The following MACROD2 variants were observed in gnomAD, a reference collection of about 807,000 sequenced individuals.
MACROD2 encodes ADP-ribose glycohydrolase MACROD2.
Under a neutral mutation model 70.4 loss-of-function variants are expected in MACROD2, and 36 were observed. The observed-to-expected ratio is 0.51, with a 90% CI of 0.39 to 0.68. MACROD2 has a LOEUF of 0.68. Among genes scored for constraint, MACROD2 ranks in the 30% least tolerant of loss-of-function variants. The pLI is 0.00. For missense variants in MACROD2, 496 were observed against 538.4 expected (o/e 0.92, Z 0.78); for synonymous variants, 172 against 178.8 (o/e 0.96, Z 0.30).
At chr20:15,428,880 C>A (rs1482045037) in intron 6 of MACROD2, among the ~76,000 whole-genome samples, 1 of 152,052 alleles carries the variant, frequency 6.6e-6, no homozygotes, top group African/African-American at 2.4e-5. Context: ...CTTGAGGGCT[C>A]AATGCAGAGG....
At chr20:15,524,228 T>C (rs1228001942) in intron 8 of MACROD2, among the ~76,000 whole-genome samples, 1 of 151,866 alleles carries the variant, frequency 6.6e-6, no homozygotes, top group African/African-American at 2.4e-5. Context: ...TCAGATTTGA[T>C]GCTTCTGCTT....
At chr20:15,187,354 T>C (rs2076540880) in intron 5 of MACROD2, among the ~76,000 whole-genome samples, 1 of 152,098 alleles carries the variant, frequency 6.6e-6, no homozygotes, top group Non-Finnish European at 1.5e-5. Flanking sequence ...CACAAAAAAG[T>C]AAAAAAGATT....
At chr20:14,754,144 G>C (rs1482774475) in intron 5 of MACROD2, among the ~76,000 whole-genome samples, 1 of 152,080 alleles carries the variant, frequency 6.6e-6, no homozygotes, top group Non-Finnish European at 1.5e-5. Flanking sequence ...TTACCATGTT[G>C]TATGCCAGAT....
intron 8 of MACROD2, among the ~76,000 whole-genome samples, chr20:15,748,358 T>TCCTTCCTTCCTC (rs965833061): frequency 6.7e-6 from 1 of 148,922 alleles, no homozygotes; most frequent in Non-Finnish European, 1.5e-5. Context: ...TTTCCTTCCT[T>TCCTTCCTTCCTC]CCTTCCTTCC....
chr20:14,773,173 G>A (rs949730568), intron 5 of MACROD2, among the ~76,000 whole-genome samples: 35 of 152,012 alleles, frequency 2.3e-4, no homozygotes, highest in African/African-American at 7.7e-4. Context: ...AAAAGACTGA[G>A]CAGTATATTT....
intron 3 of MACROD2, among the ~76,000 whole-genome samples, chr20:14,399,056 G>C (rs1276672207): frequency 1.4e-5 from 2 of 141,076 alleles, no homozygotes; most frequent in Non-Finnish European, 3.0e-5. Context: ...GTCTCACTCT[G>C]TTTCCCAGGC....
At chr20:14,964,577 A>G (rs1413314510) in intron 5 of MACROD2, among the ~76,000 whole-genome samples, 4 of 151,294 alleles carry the variant, frequency 2.6e-5, no homozygotes, top group African/African-American at 9.8e-5. Flanking sequence ...CATCTCAAAA[A>G]AATAAAAAAA....
intron 5 of MACROD2, among the ~76,000 whole-genome samples, chr20:14,804,908 A>T (rs1038713567): frequency 6.6e-6 from 1 of 151,500 alleles, no homozygotes; most frequent in Non-Finnish European, 1.5e-5. Flanking sequence ...AGAGAGAGAG[A>T]GAGACAGAGA....
chr20:14,061,160 T>C (rs1204734039), intron 2 of MACROD2, among the ~76,000 whole-genome samples: 1 of 152,172 alleles, frequency 6.6e-6, no homozygotes, highest in Non-Finnish European at 1.5e-5. Flanking sequence ...CTTTGAAATG[T>C]ACTTTGAGAT....
chr20:15,141,770 A>T (rs372640), intron 5 of MACROD2, among the ~76,000 whole-genome samples: 134,198 of 152,202 alleles, frequency 0.88, 59,317 homozygotes, highest in East Asian at 1. Context: ...CTTTTATTTC[A>T]GTTTCCCAGA....
chr20:14,399,610 T>C (rs898817951), intron 3 of MACROD2, among the ~76,000 whole-genome samples: 3 of 152,204 alleles, frequency 2.0e-5, no homozygotes, highest in Non-Finnish European at 4.4e-5. Context: ...ATAGTTGTCA[T>C]GAAATTTGAA....
At chr20:15,910,424 G>A (rs933671505) in intron 10 of MACROD2, among the ~76,000 whole-genome samples, 9 of 151,892 alleles carry the variant, frequency 5.9e-5, no homozygotes, top group African/African-American at 1.9e-4. Flanking sequence ...GTGTGTGTGT[G>A]TGTGTGTAAC....
intron 15 of MACROD2, among the ~76,000 whole-genome samples, chr20:15,991,831 A>G (rs2066562930): frequency 6.6e-6 from 1 of 152,168 alleles, no homozygotes; most frequent in African/African-American, 2.4e-5. Flanking sequence ...TTAGGATATC[A>G]GTTAAATTAA....
At chr20:14,763,259 A>G (rs204104) in intron 5 of MACROD2, among the ~76,000 whole-genome samples, 101,960 of 152,060 alleles carry the variant, frequency 0.67, 34,653 homozygotes, top group African/African-American at 0.73. Flanking sequence ...GGTATTCACA[A>G]CATACAGTAT....
At chr20:15,861,865 C>T (rs530271108) in intron 8 of MACROD2, among the ~76,000 whole-genome samples, 2 of 152,202 alleles carry the variant, frequency 1.3e-5, no homozygotes, top group South Asian at 2.1e-4. Context: ...CGAGAAACAC[C>T]TCATTTGATG....
intron 13 of MACROD2, among the ~76,000 whole-genome samples, chr20:15,971,139 G>A (rs1437158942): frequency 6.6e-6 from 1 of 152,068 alleles, no homozygotes; most frequent in African/African-American, 2.4e-5. Flanking sequence ...GTGAGCAGAG[G>A]CACTGCTTGT....
At chr20:14,442,163 A>C (rs1006152338) in intron 3 of MACROD2, among the ~76,000 whole-genome samples, 1 of 152,036 alleles carries the variant, frequency 6.6e-6, no homozygotes, top group East Asian at 1.9e-4. Flanking sequence ...CCAGCTACTC[A>C]GAAGGCTGAG....
intron 5 of MACROD2, chr20:14,895,046 G>A (rs929507588): frequency 2.6e-5 from 4 of 152,120 alleles, no homozygotes; most frequent in African/African-American, 9.7e-5. Context: ...AATAGAAGAA[G>A]ATTTAGACAT....
chr20:14,252,017 T>C (rs1333448433), intron 3 of MACROD2, among the ~76,000 whole-genome samples: 1 of 152,076 alleles, frequency 6.6e-6, no homozygotes, highest in Non-Finnish European at 1.5e-5. Context: ...TAAATAAAAG[T>C]GTAAAATTTT....
Sources: gnomAD v4.1 joint callset for allele counts (sites outside exome capture counted in the v4.1 genomes callset) on GRCh38, gnomAD v4.1.1 for gene constraint, MANE v1.5 for transcripts, NCBI Gene and HGNC (gene_info 2026-07-23, HGNC 2026-07-21) for gene names.